GAS5: variants seen among roughly 807,000 people sequenced by gnomAD.
The protein encoded by GAS5 is growth arrest specific 5 (non-protein coding).
At chr1:173,866,456 T>A (rs763184214) in intron 3 of GAS5, 1 of 626,394 alleles carries the variant, frequency 1.6e-6, no homozygotes, top group Non-Finnish European at 3.0e-6. Flanking sequence ...AGCACTAACA[T>A]AGATAATCAT....
chr1:173,866,677 G>C (rs1245791244), intron 2 of GAS5: 7 of 764,886 alleles, frequency 9.2e-6, no homozygotes, highest in African/African-American at 1.7e-5. Flanking sequence ...CATCATTCTA[G>C]CACTCAAGAG....
At position 173,866,257 on chromosome 1, in the gene GAS5, G is replaced by A. The variant is rs376962886; in HGVS notation, n.132-51C>T. On this transcript the variant is annotated intron_variant and non_coding_transcript_variant, in intron 3 of 7. Transcript: ENST00000651080. ...GCAAAAAATATTTTAATGGTAGATT[G>A]GTGGTACACTGCTTAACCATTAACA... 1.3e-4 allele frequency: 65 copies of A among 495,912 alleles called. 1 individual carries two copies. The highest frequency in any genetic ancestry group is 8.8e-4 in the South Asian group (60 of 68,338). 30.7% of individuals were successfully genotyped at this position (495,912 alleles called of 1,614,324 possible). A position where few individuals can be genotyped will look rare whatever the true frequency, so the allele number is the denominator to read the frequency against.
intron 6 of GAS5, chr1:173,864,461 A>G: frequency 1.9e-6 from 1 of 516,764 alleles, no homozygotes; most frequent in South Asian, 1.4e-5. Context: ...GAAAATCATC[A>G]CATGTACCAA....
chr1:173,864,400 G>A (rs773539645), intron 6 of GAS5: 11 of 519,030 alleles, frequency 2.1e-5, no homozygotes, highest in African/African-American at 2.1e-4. Context: ...CGGTTTTACA[G>A]TGATATCATT....
upstream of GAS5, chr1:173,867,927 A>C (rs1342741268): frequency 1.1e-5 from 4 of 363,520 alleles, no homozygotes; most frequent in South Asian, 4.0e-5. Context: ...GGAGCGCCCC[A>C]AAACCCGCAA....
chr1:173,867,948 G>A (rs1347194733), upstream of GAS5: 17 of 359,752 alleles, frequency 4.7e-5, no homozygotes, highest in Admixed American at 2.1e-4. Context: ...CATTCGCAAA[G>A]ATAAAACATA....
chr1:173,867,108 T>TTA (rs1654842413), upstream of GAS5: 2 of 611,862 alleles, frequency 3.3e-6, no homozygotes, highest in Admixed American at 3.0e-5. Context: ...AGAGTGTTCT[T>TTA]TAAAAAAACG....
At chr1:173,866,874 A>G (rs1654780884) in intron 1 of GAS5, 1 of 765,414 alleles carries the variant, frequency 1.3e-6, no homozygotes, top group African/African-American at 1.7e-5. Flanking sequence ...TGCTGTTAAC[A>G]TTAAAGCCTC....
chr1:173,867,970 T>C (rs550849035), upstream of GAS5: 11 of 336,564 alleles, frequency 3.3e-5, no homozygotes, highest in South Asian at 2.0e-4. Context: ...CTCACAGGAG[T>C]CGACTCCTAC....
chr1:173,867,111 A>G (rs1020248783), upstream of GAS5: 35 of 614,256 alleles, frequency 5.7e-5, no homozygotes, highest in Non-Finnish European at 9.5e-5. Flanking sequence ...GTGTTCTTTA[A>G]AAAAACGGTT....
chr1:173,867,601 A>G (rs901635212), upstream of GAS5: 3 of 517,034 alleles, frequency 5.8e-6, no homozygotes, highest in Admixed American at 5.8e-5. Flanking sequence ...ACAGCCTTTC[A>G]TGAGAGCGGA....
In GAS5 at chr1:173,864,873, T is replaced by C. The variant is rs190875981; in HGVS notation, n.277-569A>G. ...AAAGACTTAATATTGCTCATCAGCG[T>C]TAGTCTGCTGAACTATGTTATCATC... is the stretch of plus-strand genomic sequence containing the variant. On this transcript the variant is annotated intron_variant and non_coding_transcript_variant, in intron 6 of 7. Transcript: ENST00000651080. The C allele has an allele frequency of 9.0e-4, 465 of 519,190 alleles. 3 individuals carry two copies. Among genetic ancestry groups the C allele is most frequent in the African/African-American group, 7.9e-3 (409 of 52,088 alleles). The allele number at this position is 519,190 out of a possible 1,614,324, so 32.2% of individuals were successfully genotyped here.
upstream of GAS5, chr1:173,867,617 G>T (rs1057289701): frequency 1.2e-4 from 63 of 518,300 alleles, no homozygotes; most frequent in South Asian, 8.8e-4. Flanking sequence ...GCGGACGGCT[G>T]ATGGAGGCTC....
At chr1:173,867,049 G>T (rs1273976280), upstream of GAS5, 2 of 728,998 alleles carry the variant, frequency 2.7e-6, no homozygotes, top group East Asian at 4.9e-5. Context: ...CATACCTAAA[G>T]AGATCAGGTA....
intron 4 of GAS5, chr1:173,866,012 G>T (rs528960644): frequency 1.9e-6 from 1 of 519,162 alleles, no homozygotes; most frequent in Admixed American, 1.9e-5. Flanking sequence ...GTCAGCATTT[G>T]CTTATCATCA....
At chr1:173,866,658 T>G (rs1557873289) in intron 2 of GAS5, 1 of 764,632 alleles carries the variant, frequency 1.3e-6, no homozygotes, top group Non-Finnish European at 2.4e-6. Context: ...TAATGGTGGT[T>G]AAGATCCTCA....
chr1:173,867,710 A>T (rs762195475), upstream of GAS5: 3 of 519,076 alleles, frequency 5.8e-6, 1 homozygote, highest in South Asian at 4.2e-5. Context: ...CATTACTCTC[A>T]GATGTCCCTA....
At chr1:173,864,025 C>T in intron 7 of GAS5, 2 of 363,272 alleles carry the variant, frequency 5.5e-6, no homozygotes, top group South Asian at 4.1e-5. Flanking sequence ...AAGTTTGAGG[C>T]TGTAGTAAGC....
At chr1:173,864,441 T>C in intron 6 of GAS5, 1 of 518,600 alleles carries the variant, frequency 1.9e-6, no homozygotes, top group South Asian at 1.4e-5. Context: ...ATTACATCAT[T>C]GGTTACACTG....
Sources: allele counts gnomAD v4.1 joint callset, GRCh38; gene constraint gnomAD v4.1.1; transcripts MANE v1.5; gene names NCBI Gene and HGNC (gene_info 2026-07-23, HGNC 2026-07-21).